TAOK3: variants seen among roughly 807,000 people sequenced by gnomAD.
TAOK3 encodes the protein serine/threonine-protein kinase TAO3.
TAOK3 carries 40 observed loss-of-function variants against 120.4 expected under a neutral mutation model. The observed-to-expected ratio is 0.33, with a 90% CI of 0.26 to 0.43. The LOEUF is 0.43. TAOK3 is among the 20% of genes least tolerant of loss of function. The pLI, the probability that TAOK3 is intolerant of heterozygous loss-of-function variation, is 1.00. For synonymous variants in TAOK3, 355 were observed against 387.5 expected, an observed-to-expected ratio of 0.92 and a Z score of 0.99; for missense variants, 821 against 1,112.1, an observed-to-expected ratio of 0.74 and a Z score of 3.72.
intron 11 of TAOK3, among the ~76,000 whole-genome samples, chr12:118,209,096 A>T (rs2038488934): frequency 6.6e-6 from 1 of 152,330 alleles, no homozygotes; most frequent in South Asian, 2.1e-4. Context: ...TAATAGCAAA[A>T]GATTGGAAAC....
intron 20 of TAOK3, 76 bp downstream of exon 20, chr12:118,152,151 G>A: frequency 7.3e-7 from 1 of 1,370,408 alleles, no homozygotes; most frequent in South Asian, 1.3e-5. Context: ...ACTAAGGAAG[G>A]CTGCATATAT....
chr12:118,246,349 A>G lies in TAOK3; in HGVS notation c.121-1384T>C. On this transcript the variant is annotated intron_variant, in intron 3 of 20. Coordinates refer to ENST00000392533, the MANE Select transcript of TAOK3 (RefSeq NM_016281.4). ...ATCTATCTCTTCTCCCTGCCCATTA[A>G]GGAATCAGAGATCATTGATTTCTTC... 1.9e-6 allele frequency: 3 copies of G among 1,606,000 alleles called. No individual in the cohort carries two copies. The South Asian group carries it at 3.3e-5, about 18-fold the overall frequency.
intron 1 of TAOK3, among the ~76,000 whole-genome samples, chr12:118,320,390 G>C (rs187567136): frequency 2.2e-4 from 33 of 151,824 alleles, no homozygotes; most frequent in Admixed American, 2.0e-3. Flanking sequence ...CCAGGTATTT[G>C]AGACAAGCCT....
chr12:118,222,938 T>TA lies in TAOK3; in HGVS notation c.644-8829dup, dbSNP rs1162340240. Among the ~76,000 whole-genome samples, 3 of 151,856 alleles carry TA rather than the reference T, an allele frequency of 2.0e-5. No homozygotes were observed. The East Asian group carries it at 5.8e-4, about 29-fold the overall frequency. On this transcript the variant is annotated intron_variant, in intron 9 of 20. Coordinates refer to ENST00000392533, the MANE Select transcript of TAOK3 (RefSeq NM_016281.4). ...CAAAAGCTATTGAAATAAAAAAATG[T>TA]AAAAAACAAAATAAAATAAATCAGA...
chr12:118,220,534 A>G (rs939282728), intron 9 of TAOK3, among the ~76,000 whole-genome samples: 4 of 152,098 alleles, frequency 2.6e-5, no homozygotes, highest in African/African-American at 9.7e-5. Flanking sequence ...CTTACTGGCA[A>G]AAGGTTAAAA....
chr12:118,369,021 A>AAAAAAAG (rs2045826116), intron 1 of TAOK3, among the ~76,000 whole-genome samples: 1 of 146,810 alleles, frequency 6.8e-6, no homozygotes, highest in African/African-American at 2.6e-5. Flanking sequence ...AAAAAAAAAA[A>AAAAAAAG]AAGAAGAAGA....
chr12:118,207,858 TCACACACACACA>T (rs55978716), intron 11 of TAOK3, among the ~76,000 whole-genome samples: 3 of 144,448 alleles, frequency 2.1e-5, no homozygotes, highest in East Asian at 2.0e-4. Flanking sequence ...AGACTCTGTC[TCACACACACACA>T]CACACACACA....
Position 118,150,793 on chromosome 12 carries a change from C to G in TAOK3, c.*204G>C, listed in dbSNP as rs1304933452. The G allele has an allele frequency of 1.7e-6, 1 of 574,772 alleles. No homozygotes were observed. The highest frequency in any genetic ancestry group is 3.0e-6 in the Non-Finnish European group (1 of 332,702). The allele number at this position is 574,772 out of a possible 1,614,324, so 35.6% of individuals were successfully genotyped here. ...AGAGACGGCCAGGTTTTGGCCAGCA[C>G]TGAAAGTTGACACGGGGGGAGGAAG... On this transcript the variant is annotated 3_prime_UTR_variant, in exon 21 of 21. Coordinates refer to ENST00000392533, the MANE Select transcript of TAOK3 (RefSeq NM_016281.4).
At chr12:118,235,989 C>A (rs149612653) in intron 7 of TAOK3, 4 of 220,526 alleles carry the variant, frequency 1.8e-5, no homozygotes, top group African/African-American at 9.0e-5. Context: ...CTTACAAAGG[C>A]ATATTCTTAA....
At chr12:118,202,758 A>C (rs2038087750) in intron 11 of TAOK3, among the ~76,000 whole-genome samples, 1 of 150,382 alleles carries the variant, frequency 6.6e-6, no homozygotes, top group African/African-American at 2.5e-5. Flanking sequence ...GAAGCAATGC[A>C]TAGTATAGTC....
In TAOK3 at chr12:118,160,161, C is replaced by T; in HGVS notation, c.2337G>A (p.Met779Ile). The T allele has an allele frequency of 1.2e-6, 2 of 1,614,136 alleles. No homozygotes were observed. The highest frequency in any genetic ancestry group is 1.7e-6 in the Non-Finnish European group (2 of 1,179,960). The change falls in exon 19 of 21, where the codon ATG becomes ATA. Residue 779 changes from methionine (M) to isoleucine (I), a missense_variant. Coordinates refer to ENST00000392533, the MANE Select transcript of TAOK3 (RefSeq NM_016281.4). The surrounding 1 kb of genome is among the most constrained non-coding windows in gnomAD (Gnocchi z 4.2). ...AACCACTTACCGCTTGAGAGGCCAT[C>T]ATTTCATTTATACTCTGTTCATACT... Reference protein sequence around the residue: ...AEQYEQSINEMMASQALRLDE... With the variant: ...AEQYEQSINEIMASQALRLDE...
At chr12:118,154,613 G>T (rs1016516718) in intron 19 of TAOK3, among the ~76,000 whole-genome samples, 1 of 151,828 alleles carries the variant, frequency 6.6e-6, no homozygotes. Context: ...CTAATTTTTT[G>T]TATTTTTAAT....
chr12:118,340,352 A>G (rs2044561226), intron 1 of TAOK3, among the ~76,000 whole-genome samples: 1 of 152,248 alleles, frequency 6.6e-6, no homozygotes, highest in South Asian at 2.1e-4. Flanking sequence ...TAGGCACAGT[A>G]AAGTGACTCC....
At chr12:118,332,731 G>A (rs144022952) in intron 1 of TAOK3, among the ~76,000 whole-genome samples, 2 of 152,312 alleles carry the variant, frequency 1.3e-5, no homozygotes, top group African/African-American at 4.8e-5. Flanking sequence ...GGTTGGTGGT[G>A]TAGAAGTAGA....
intron 5 of TAOK3, among the ~76,000 whole-genome samples, chr12:118,239,705 A>C (rs964044286): frequency 1.3e-5 from 2 of 152,230 alleles, no homozygotes; most frequent in Non-Finnish European, 2.9e-5. Context: ...GTAAGTAGTA[A>C]ATTCCTTTTT....
chr12:118,316,875 C>A (rs1266297794), intron 1 of TAOK3, among the ~76,000 whole-genome samples: 1 of 152,066 alleles, frequency 6.6e-6, no homozygotes, highest in East Asian at 1.9e-4. Flanking sequence ...ATTAAGAAAA[C>A]AATCTATAAT....
intron 3 of TAOK3, among the ~76,000 whole-genome samples, chr12:118,251,561 A>T (rs913594301): frequency 3.3e-5 from 5 of 152,172 alleles, no homozygotes; most frequent in Admixed American, 3.3e-4. Context: ...ATATATATTT[A>T]GTGCCTACTG....
chr12:118,205,283 A>G lies in TAOK3; in HGVS notation c.820-3820T>C, dbSNP rs527476165. 5.3e-5 allele frequency among the ~76,000 whole-genome samples: 8 copies of G among 151,202 alleles called. No individual in the cohort carries two copies. The East Asian group carries it at 5.9e-4, about 11-fold the overall frequency. Reference sequence around the variant, plus strand: ...TCGGGAGGCTGAGGCACGAGAATCAATTGAGTCTGGGAGACAGATCTTGCA... The same window carrying G: ...TCGGGAGGCTGAGGCACGAGAATCAGTTGAGTCTGGGAGACAGATCTTGCA... On this transcript the variant is annotated intron_variant, in intron 11 of 20. Coordinates refer to ENST00000392533, the MANE Select transcript of TAOK3 (RefSeq NM_016281.4).
chr12:118,239,057 C>G (rs2040135480), intron 6 of TAOK3, among the ~76,000 whole-genome samples, 170 bp downstream of exon 6: 1 of 152,216 alleles, frequency 6.6e-6, no homozygotes, highest in Non-Finnish European at 1.5e-5. Context: ...TAACATCACT[C>G]AGACACTTTC....
Sources: gnomAD v4.1 joint callset for allele counts (sites outside exome capture counted in the v4.1 genomes callset) on GRCh38, gnomAD v4.1.1 for gene constraint, Gnocchi (gnomAD v3.1) non-coding constraint, MANE v1.5 for transcripts, NCBI Gene and HGNC (gene_info 2026-07-23, HGNC 2026-07-21) for gene names.